Variants in TNNT3 observed in about 807,000 individuals in gnomAD.
TNNT3 encodes the protein troponin T, fast skeletal muscle.
TNNT3 carries 36 observed loss-of-function variants against 54.2 expected under a neutral mutation model. The ratio of observed to expected loss-of-function variants is 0.66; its 90% CI spans 0.51 to 0.88. The LOEUF is 0.88. Among genes scored for constraint, TNNT3 ranks in the 40% least tolerant of loss-of-function variants. The pLI, the probability that TNNT3 is intolerant of heterozygous loss-of-function variation, is 0.00. For missense variants in TNNT3, 291 were observed against 331.6 expected, an observed-to-expected ratio of 0.88 and a Z score of 0.95; for synonymous variants, 120 against 109.7, an observed-to-expected ratio of 1.09 and a Z score of -0.59.
chr11:1,926,575 C>G, intron 5 of TNNT3, 120 bp from the exon 6 acceptor site: 1 of 1,607,004 alleles, frequency 6.2e-7, no homozygotes, highest in Non-Finnish European at 8.5e-7. Context: ...TAACCCTGCA[C>G]AGCCTGGCCT....
At chr11:1,934,987 C>G in intron 14 of TNNT3, 68 bp downstream of exon 14, 1 of 1,438,832 alleles carries the variant, frequency 7.0e-7, no homozygotes, top group Non-Finnish European at 9.8e-7. Flanking sequence ...AGCCATCTCC[C>G]TGCGTCCCTA....
Position 1,923,067 on chromosome 11 carries a change from T to A in TNNT3, c.31+6T>A. On this transcript the variant is annotated splice_donor_region_variant and intron_variant, in intron 3 of 15. Transcript: ENST00000278317. ...CCACAGTGAACAGGTGGAGGGTAAG[T>A]GTAACAGCCATTTTCTTTCTACTTC... 6.2e-7 allele frequency: 1 copy of A among 1,613,996 alleles called. No homozygotes were observed. Among genetic ancestry groups the A allele is most frequent in the Non-Finnish European group, 8.5e-7 (1 of 1,179,976 alleles).
rs372142501 is a variant in TNNT3, at chr11:1,925,316, G to T, written c.67+200G>T. On this transcript the variant is annotated intron_variant, in intron 5 of 15. Coordinates refer to ENST00000278317, the MANE Select transcript of TNNT3 (RefSeq NM_006757.4). ...GACTTCTTGTCCCCATGTGGGGCCC[G>T]GGGCCTGGCTGGAGCCCATGTGGGG... The T allele has an allele frequency of 3.2e-5, 50 of 1,567,466 alleles. No individual in the cohort carries two copies. The South Asian group carries it at 3.6e-4, about 11-fold the overall frequency.
At position 1,934,412 on chromosome 11, in the gene TNNT3, C is replaced by T; in HGVS notation, c.447C>T (p.Ser149=). ...DDLKKKKALS[S]MGANYSSYLA... ...TGAAGAAGAAGAAAGCTCTGTCTTCCATGGGAGCCAACTACAGCAGCTACC... is the reference window on the plus strand; with the variant it reads ...TGAAGAAGAAGAAAGCTCTGTCTTCTATGGGAGCCAACTACAGCAGCTACC... The change falls in exon 12 of 16, where the codon TCC becomes TCT. Residue 149 remains serine (S), a synonymous_variant. Coordinates refer to ENST00000278317, the MANE Select transcript of TNNT3 (RefSeq NM_006757.4). 1 of 1,613,782 alleles carries T rather than the reference C, an allele frequency of 6.2e-7. No homozygotes were observed. The highest frequency in any genetic ancestry group is 8.5e-7 in the Non-Finnish European group (1 of 1,180,028).
Position 1,929,210 on chromosome 11 carries a change from C to G in TNNT3, c.106+67C>G, listed in dbSNP as rs1359295676. 4 of 1,572,736 alleles carry G rather than the reference C, an allele frequency of 2.5e-6. No homozygotes were observed. The East Asian group carries it at 6.7e-5, about 26-fold the overall frequency. On this transcript the variant is annotated intron_variant, in intron 7 of 15. Coordinates refer to ENST00000278317, the MANE Select transcript of TNNT3 (RefSeq NM_006757.4). ...TCTAGCCGACGCGAGGGAAAGAGGA[C>G]AGGCTGGGGTCTCTCGCTGCCCTGC...
At chr11:1,923,162 C>G in intron 3 of TNNT3, 101 bp downstream of exon 3, 3 of 1,510,118 alleles carry the variant, frequency 2.0e-6, no homozygotes, top group East Asian at 2.3e-5. Flanking sequence ...CCCTTGACAG[C>G]CCTACATCAG....
At chr11:1,935,134 C>T (rs551174700) in intron 14 of TNNT3, 3 of 635,480 alleles carry the variant, frequency 4.7e-6, no homozygotes, top group South Asian at 1.8e-5. Flanking sequence ...GGCCATGCAG[C>T]GCCCTGAGCG....
chr11:1,927,777 C>G (rs1852037342), intron 6 of TNNT3: 1 of 152,466 alleles, frequency 6.6e-6, no homozygotes, highest in Non-Finnish European at 1.5e-5. Flanking sequence ...GGCCGGCCTT[C>G]CCACCCGGAG....
At chr11:1,921,698 A>C (rs1425223171) in intron 1 of TNNT3, 1 of 152,266 alleles carries the variant, frequency 6.6e-6, no homozygotes, top group Non-Finnish European at 1.5e-5. Context: ...TTCCCACCTC[A>C]GCAGTGCAAC....
At chr11:1,925,813 G>T (rs1172120113) in intron 5 of TNNT3, among the ~76,000 whole-genome samples, 8 of 152,176 alleles carry the variant, frequency 5.3e-5, no homozygotes, top group Non-Finnish European at 1.2e-4. Context: ...GACCCTTGAG[G>T]TGCACACAGG....
chr11:1,923,533 T>G, intron 3 of TNNT3, 22 bp from the exon 4 acceptor site: 1 of 1,613,930 alleles, frequency 6.2e-7, no homozygotes, highest in Middle Eastern at 1.6e-4. Flanking sequence ...GTGGTTCCCC[T>G]CTTTGTTCTG....
chr11:1,925,006 G>A (rs1405174219), intron 4 of TNNT3, 93 bp from the exon 5 acceptor site: 27 of 1,482,602 alleles, frequency 1.8e-5, no homozygotes, highest in Admixed American at 1.4e-4. Flanking sequence ...CCGGCCTCCT[G>A]TCCTTGCGGC....
chr11:1,938,612 G>C lies in TNNT3; in HGVS notation c.*120G>C, dbSNP rs1285212175. The C allele has an allele frequency of 1.9e-6, 2 of 1,069,362 alleles. No homozygotes were observed. Among genetic ancestry groups the C allele is most frequent in the East Asian group, 2.6e-5 (1 of 38,590 alleles). The allele number at this position is 1,069,362 out of a possible 1,614,324, so 66.2% of individuals were successfully genotyped here. Reference sequence around the variant, plus strand: ...TGTCAGGGGCTCCCTGACAGTCCTGGGGGTGGAGAGGCCATCCCGGGGCGT... The same window carrying C: ...TGTCAGGGGCTCCCTGACAGTCCTGCGGGTGGAGAGGCCATCCCGGGGCGT... On this transcript the variant is annotated 3_prime_UTR_variant, in exon 16 of 16. Transcript: ENST00000278317.
chr11:1,933,436 C>A (rs1428210377), intron 9 of TNNT3, among the ~76,000 whole-genome samples: 1 of 152,200 alleles, frequency 6.6e-6, no homozygotes, highest in Non-Finnish European at 1.5e-5. Flanking sequence ...ATGACAGAGC[C>A]AAGTCAGGGC....
chr11:1,924,538 C>T lies in TNNT3; in HGVS notation c.50-561C>T, dbSNP rs187114902. ...GTGAGCAAAACATTTATTTTTCTGCCGAAAAGGTGGAAAGACTCATTTCTG... is the reference window on the plus strand; with the variant it reads ...GTGAGCAAAACATTTATTTTTCTGCTGAAAAGGTGGAAAGACTCATTTCTG... On this transcript the variant is annotated intron_variant, in intron 4 of 15. Transcript: ENST00000278317. Among the ~76,000 whole-genome samples the T allele has an allele frequency of 8.7e-4, 133 of 152,300 alleles. 2 individuals are homozygous for T. Among genetic ancestry groups the T allele is most frequent in the African/African-American group, 3.1e-3 (127 of 41,564 alleles).
chr11:1,922,330 G>T (rs1013651649), intron 1 of TNNT3, among the ~76,000 whole-genome samples: 1 of 152,118 alleles, frequency 6.6e-6, no homozygotes, highest in Non-Finnish European at 1.5e-5. Context: ...TTCTCATGGG[G>T]AATGGTAGGG....
In TNNT3 at chr11:1,938,422, TG is replaced by T; in HGVS notation, c.723-15del. On this transcript the variant is annotated splice_polypyrimidine_tract_variant and intron_variant, in intron 15 of 15. Transcript: ENST00000278317. ...GAGGCCCTGACCCTGAAGGATCACT[TG>T]CTTCCCATTTGCAGCAGCAAGAAGG... The T allele has an allele frequency of 6.2e-7, 1 of 1,613,088 alleles. No homozygotes were observed. The highest frequency in any genetic ancestry group is 1.3e-5 in the African/African-American group (1 of 75,044).
rs491040 is a variant in TNNT3 at position 1,935,108 on chromosome 11, G to C, written c.681+189G>C. 0.72 allele frequency: 485,706 copies of C among 674,250 alleles called. 176,677 individuals are homozygous for C. Among genetic ancestry groups the C allele is most frequent in the Non-Finnish European group, 0.76 (284,558 of 373,928 alleles). 41.8% of individuals were successfully genotyped at this position (674,250 alleles called of 1,614,324 possible). On this transcript the variant is annotated intron_variant, in intron 14 of 15. Coordinates refer to ENST00000278317, the MANE Select transcript of TNNT3 (RefSeq NM_006757.4). ...TTTCCTGCTGGGGACTGTGGCCAGA[G>C]CCCGTCCTCCTGGCTGGCCATGCAG...
intron 6 of TNNT3, among the ~76,000 whole-genome samples, chr11:1,927,436 G>A (rs191486999): frequency 3.7e-4 from 57 of 152,286 alleles, no homozygotes; most frequent in African/African-American, 1.1e-3. Context: ...AGCTCCCCCC[G>A]TTCATGGGCC....
Sources: gnomAD v4.1 joint callset for allele counts (sites outside exome capture counted in the v4.1 genomes callset) on GRCh38, gnomAD v4.1.1 for gene constraint, MANE v1.5 for transcripts, NCBI Gene and HGNC (gene_info 2026-07-23, HGNC 2026-07-21) for gene names.